Variants in FYN observed in about 807,000 individuals in gnomAD.
FYN encodes tyrosine-protein kinase Fyn.
FYN carries 10 observed loss-of-function variants against 70.2 expected under a neutral mutation model. That is an observed-to-expected ratio of 0.14 (90% CI 0.09 to 0.24). FYN has a LOEUF of 0.24. Ranked by LOEUF, FYN falls within the 10% of genes least tolerant of loss-of-function variation. FYN has a pLI of 1.00. For synonymous variants in FYN, 236 were observed against 248.6 expected (o/e 0.95, Z 0.48); for missense variants, 319 against 673.1 (o/e 0.47, Z 5.82).
At chr6:111,705,642 A>G (rs1800049442) in intron 6 of FYN, among the ~76,000 whole-genome samples, 1 of 152,188 alleles carries the variant, frequency 6.6e-6, no homozygotes, top group South Asian at 2.1e-4. Flanking sequence ...TGAGGTCTGG[A>G]GTTCGAGGCC....
At chr6:111,687,091 G>A (rs1799040499) in intron 12 of FYN, among the ~76,000 whole-genome samples, 1 of 152,088 alleles carries the variant, frequency 6.6e-6, no homozygotes, top group Admixed American at 6.5e-5. Flanking sequence ...CAGGCATCTG[G>A]GATTTCTAAT....
intron 3 of FYN, among the ~76,000 whole-genome samples, chr6:111,736,361 A>C (rs1229044981): frequency 6.6e-6 from 1 of 152,184 alleles, no homozygotes. Context: ...TGACAGCTCT[A>C]CTCACATATA....
In FYN at chr6:111,807,762, C is replaced by G. The variant is rs181042093; in HGVS notation, c.-81-27127G>C. On this transcript the variant is annotated intron_variant, in intron 2 of 13. Coordinates refer to ENST00000354650, the MANE Select transcript of FYN (RefSeq NM_002037.5). The stretch of plus-strand genomic sequence containing the variant: ...ATTTTCATAACTTCCCCAGGGGGTT[C>G]TGAAGCACCCCCAGGTTTGGGGACC... Among the ~76,000 whole-genome samples the G allele has an allele frequency of 7.2e-5, 11 of 152,280 alleles. No homozygotes were observed. In the East Asian group the frequency reaches 1.7e-3, roughly 24 times the overall value.
intron 3 of FYN, among the ~76,000 whole-genome samples, chr6:111,765,494 A>T (rs1302165911): frequency 2.0e-5 from 3 of 152,158 alleles, no homozygotes; most frequent in African/African-American, 7.2e-5. Context: ...TTGGACTTTC[A>T]GTCTCCAGAC....
chr6:111,797,389 T>A lies in FYN; in HGVS notation c.-81-16754A>T, dbSNP rs1332334599. 4.6e-5 allele frequency among the ~76,000 whole-genome samples: 7 copies of A among 152,188 alleles called. No individual in the cohort carries two copies. In the East Asian group the frequency reaches 1.4e-3, roughly 29 times the overall value. Reference sequence around the variant, plus strand: ...TTTTGCTTTTAATTTAGAATTTTTATGTATAGAATTTTTATATTTTCACCA... The same window carrying A: ...TTTTGCTTTTAATTTAGAATTTTTAAGTATAGAATTTTTATATTTTCACCA... On this transcript the variant is annotated intron_variant, in intron 2 of 13. Coordinates refer to ENST00000354650, the MANE Select transcript of FYN (RefSeq NM_002037.5).
chr6:111,795,070 C>A (rs1480865328), intron 2 of FYN, among the ~76,000 whole-genome samples: 1 of 152,204 alleles, frequency 6.6e-6, no homozygotes, highest in Non-Finnish European at 1.5e-5. Flanking sequence ...TTCTGCCCAG[C>A]ATTTTCTTTA....
chr6:111,762,275 C>T (rs1277094512), intron 3 of FYN, among the ~76,000 whole-genome samples: 1 of 152,162 alleles, frequency 6.6e-6, no homozygotes, highest in Non-Finnish European at 1.5e-5. Flanking sequence ...TCCCTAAGAC[C>T]TCACCAGTTA....
At chr6:111,832,203 T>C (rs1170994703) in intron 2 of FYN, among the ~76,000 whole-genome samples, 1 of 152,194 alleles carries the variant, frequency 6.6e-6, no homozygotes, top group African/African-American at 2.4e-5. Flanking sequence ...TTTCTGGGAC[T>C]GTTAGCATCC....
chr6:111,833,738 A>G (rs1381069221), intron 2 of FYN, among the ~76,000 whole-genome samples: 1 of 152,178 alleles, frequency 6.6e-6, no homozygotes, highest in Non-Finnish European at 1.5e-5. Flanking sequence ...TGCGAATGTC[A>G]AGTGGTACAA....
chr6:111,762,173 G>T (rs572360517), intron 3 of FYN, among the ~76,000 whole-genome samples: 2 of 152,144 alleles, frequency 1.3e-5, no homozygotes. Context: ...GGCTTTCCAC[G>T]AGCAGCAGCG....
At position 111,694,635 on chromosome 6, in the gene FYN, G is replaced by A; in HGVS notation, c.1112C>T (p.Ala371Val). The change falls in exon 11 of 14, where the codon GCA becomes GTA. Residue 371 changes from alanine (A) to valine (V), a missense_variant. By Grantham distance (64) the Ala-to-Val change is moderately conservative (BLOSUM62 0). This residue lies in a region of FYN where 64 missense variants were observed against 223.0 expected (regional missense o/e 0.29). Coordinates refer to ENST00000354650, the MANE Select transcript of FYN (RefSeq NM_002037.5). This position sits in a 1 kb window ranked among gnomAD's most constrained non-coding sequence, Gnocchi z 5.0. ...TTACCCTGCAGGGCCTACCTGTGCT[G>A]CCATGTCCACAAGATTTGGTAATTT... ...ALKLPNLVDM[A>V]AQVAAGMAYI... 6.2e-7 allele frequency: 1 copy of A among 1,614,040 alleles called. No homozygotes were observed. Among genetic ancestry groups the A allele is most frequent in the Non-Finnish European group, 8.5e-7 (1 of 1,179,966 alleles).
At chr6:111,705,814 A>G (rs1408934769) in intron 6 of FYN, among the ~76,000 whole-genome samples, 1 of 151,996 alleles carries the variant, frequency 6.6e-6, no homozygotes, top group African/African-American at 2.4e-5. Context: ...GGGCCACTGC[A>G]CTCTAGCCTG....
chr6:111,857,755 G>A (rs1773860555), intron 1 of FYN, among the ~76,000 whole-genome samples: 1 of 152,138 alleles, frequency 6.6e-6, no homozygotes, highest in African/African-American at 2.4e-5. Context: ...TAAAACTTTA[G>A]TTGCTTCAGG....
chr6:111,867,411 C>T lies in FYN; in HGVS notation c.-123+5557G>A, dbSNP rs193014542. ...TGGAGGTTGCAGTGAGCTGAGATCA[C>T]GCCATTGCACTCTAGCCTGGGCAAC... On this transcript the variant is annotated intron_variant, in intron 1 of 13. Coordinates refer to ENST00000354650, the MANE Select transcript of FYN (RefSeq NM_002037.5). Among the ~76,000 whole-genome samples the T allele has an allele frequency of 1.6e-3, 234 of 145,466 alleles. 2 individuals are homozygous for T. The highest frequency in any genetic ancestry group is 5.8e-3 in the African/African-American group (227 of 38,984).
rs965222423 is a variant in FYN, at chr6:111,839,321, T to C, written c.-82+7268A>G. Among the ~76,000 whole-genome samples, 7 of 152,144 alleles carry C rather than the reference T, an allele frequency of 4.6e-5. No homozygotes were observed. In the South Asian group the frequency reaches 1.2e-3, roughly 27 times the overall value. ...GGTCTATATTCTGGATCCCAAGCTA[T>C]ACCATCCAGCTACTGACAGAAATCC... On this transcript the variant is annotated intron_variant, in intron 2 of 13. Coordinates refer to ENST00000354650, the MANE Select transcript of FYN (RefSeq NM_002037.5).
chr6:111,692,685 G>A (rs1043505477), intron 12 of FYN, among the ~76,000 whole-genome samples: 4 of 152,174 alleles, frequency 2.6e-5, no homozygotes, highest in Non-Finnish European at 4.4e-5. Context: ...GTGAGCACAC[G>A]GCTCTATTCT....
At chr6:111,754,949 A>C (rs772242266) in intron 3 of FYN, among the ~76,000 whole-genome samples, 1 of 149,724 alleles carries the variant, frequency 6.7e-6, no homozygotes, top group Non-Finnish European at 1.5e-5. Context: ...TGTTGTGCTT[A>C]GACAAGAAAA....
chr6:111,717,327 G>C (rs75098120), intron 4 of FYN, among the ~76,000 whole-genome samples: 3 of 152,082 alleles, frequency 2.0e-5, no homozygotes, highest in Non-Finnish European at 4.4e-5. Context: ...TTTGTTTTAA[G>C]CTGCTAAGTT....
At chr6:111,756,727 T>C (rs539107194) in intron 3 of FYN, among the ~76,000 whole-genome samples, 8 of 152,180 alleles carry the variant, frequency 5.3e-5, no homozygotes, top group Non-Finnish European at 1.0e-4. Context: ...AATGATCTTA[T>C]CAATAGATAC....
Sources: gnomAD v4.1 joint callset for allele counts (sites outside exome capture counted in the v4.1 genomes callset) on GRCh38, gnomAD v4.1.1 for gene constraint, gnomAD v4.1.1 regional missense constraint, Gnocchi (gnomAD v3.1) non-coding constraint, MANE v1.5 for transcripts, NCBI Gene and HGNC (gene_info 2026-07-23, HGNC 2026-07-21) for gene names.